GTF2A1L: variants seen among roughly 807,000 people sequenced by gnomAD.
GTF2A1L encodes the protein general transcription factor IIA subunit 1 like.
A neutral mutation model predicts 49.7 loss-of-function variants in GTF2A1L; 48 were observed. The ratio of observed to expected loss-of-function variants is 0.97; its 90% CI spans 0.77 to 1.23. The LOEUF is 1.23. Among genes scored for constraint, GTF2A1L ranks in the 50% most tolerant of loss-of-function variants. The pLI is 0.00. For missense variants in GTF2A1L, 736 were observed against 564.8 expected, an observed-to-expected ratio of 1.30 and a Z score of -3.07; for synonymous variants, 246 against 193.5, an observed-to-expected ratio of 1.27 and a Z score of -2.25.
At chr2:48,673,055 T>C (rs1679256441) in intron 8 of GTF2A1L, among the ~76,000 whole-genome samples, 1 of 152,248 alleles carries the variant, frequency 6.6e-6, no homozygotes, top group African/African-American at 2.4e-5. Flanking sequence ...TATGTGGTCT[T>C]TTGTTACTGG....
intron 4 of GTF2A1L, among the ~76,000 whole-genome samples, chr2:48,643,467 C>A (rs1041246546): frequency 6.6e-6 from 1 of 152,070 alleles, no homozygotes; most frequent in East Asian, 1.9e-4. Flanking sequence ...AAACCACACA[C>A]CTTAATAGGA....
At chr2:48,633,571 T>C (rs1676706497) in intron 3 of GTF2A1L, among the ~76,000 whole-genome samples, 1 of 152,226 alleles carries the variant, frequency 6.6e-6, no homozygotes. Flanking sequence ...TACGGTCAAT[T>C]GTGGAGTATG....
At chr2:48,667,307 G>A (rs1334246919) in intron 6 of GTF2A1L, among the ~76,000 whole-genome samples, 2 of 152,190 alleles carry the variant, frequency 1.3e-5, no homozygotes, top group African/African-American at 4.8e-5. Context: ...AAGAGAGACT[G>A]AAGTAAATAG....
rs761186600 is a variant in GTF2A1L, at chr2:48,646,828, A to G, written c.764A>G (p.Gln255Arg). Residue 255 changes from glutamine (Q) to arginine (R), a missense_variant, in exon 6 of 9, where the codon CAA (glutamine) becomes CGA (arginine). Coordinates refer to ENST00000403751, the MANE Select transcript of GTF2A1L (RefSeq NM_006872.5). Reference sequence around the variant, plus strand: ...GTTGTATTTTCTCCACAGGTCTCTCAAACAAATTCTAATGTGGAGTCAGTG... The same window carrying G: ...GTTGTATTTTCTCCACAGGTCTCTCGAACAAATTCTAATGTGGAGTCAGTG... ...PGVVFSPQVS[Q>R]TNSNVESVLS... is the part of the protein sequence containing the mutation. 5 of 1,614,204 alleles carry G rather than the reference A, an allele frequency of 3.1e-6. No individual in the cohort carries two copies. The highest frequency in any genetic ancestry group is 2.5e-6 in the Non-Finnish European group (3 of 1,180,014).
Position 48,671,671 on chromosome 2 carries a change from G to T in GTF2A1L, c.1320G>T (p.Gln440His), listed in dbSNP as rs371356858. ...LFDTDNVIVCQYDKIHRSKNK... is the reference protein window; with the variant it reads ...LFDTDNVIVCHYDKIHRSKNK... ...ACACGGATAATGTTATTGTCTGTCA[G>T]TATGATAAGGTACTGTATTTACCTT... The change falls in exon 8 of 9, where the codon CAG (glutamine) becomes CAT (histidine). Residue 440 changes from glutamine to histidine, a missense_variant. Physicochemically the swap from Gln to His is conservative, Grantham distance 24. Coordinates refer to ENST00000403751, the MANE Select transcript of GTF2A1L (RefSeq NM_006872.5). 1 of 1,612,936 alleles carries T rather than the reference G, an allele frequency of 6.2e-7. No homozygotes were observed. Among genetic ancestry groups the T allele is most frequent in the Non-Finnish European group, 8.5e-7 (1 of 1,179,480 alleles).
Position 48,648,846 on chromosome 2 carries a change from A to C in GTF2A1L, c.978+1804A>C, listed in dbSNP as rs150751450. Among the ~76,000 whole-genome samples, 818 of 152,250 alleles carry C rather than the reference A, an allele frequency of 5.4e-3. 5 individuals carry two copies. The highest frequency in any genetic ancestry group is 0.016 in the South Asian group (76 of 4,822). ...CCAAACGTACAAGAGTATATGTAAA[A>C]TGCTTATTTATTTATTGTAAGTTAC... is the stretch of plus-strand genomic sequence containing the variant. On this transcript the variant is annotated intron_variant, in intron 6 of 8. Transcript: ENST00000403751.
Position 48,669,763 on chromosome 2 carries a change from T to C in GTF2A1L, c.1020T>C (p.Asp340=). 6.2e-7 allele frequency: 1 copy of C among 1,613,872 alleles called. No homozygotes were observed. The highest frequency in any genetic ancestry group is 8.5e-7 in the Non-Finnish European group (1 of 1,179,900). The stretch of plus-strand genomic sequence containing the variant: ...TGGATTTAAGCATTCGGGTTACTGA[T>C]GATGATATTGGTGAAATAATTCAAG... The part of the protein sequence containing the change: ...SQVDLSIRVT[D]DDIGEIIQVD... The change falls in exon 7 of 9, where the codon GAT becomes GAC. Residue 340 remains aspartate, a synonymous_variant. Transcript: ENST00000403751.
chr2:48,657,760 CTTGT>C (rs1678263201), intron 6 of GTF2A1L, among the ~76,000 whole-genome samples: 1 of 43,130 alleles, frequency 2.3e-5, no homozygotes. Flanking sequence ...GCTGGAATCT[CTTGT>C]TTTTTTTTTT....
intron 3 of GTF2A1L, among the ~76,000 whole-genome samples, chr2:48,636,112 C>T (rs1469934174): frequency 6.6e-6 from 1 of 152,116 alleles, no homozygotes; most frequent in Non-Finnish European, 1.5e-5. Flanking sequence ...TTCTCATTTT[C>T]CTTCTTGAAT....
chr2:48,639,407 C>T (rs181036666), intron 3 of GTF2A1L, among the ~76,000 whole-genome samples: 78 of 152,260 alleles, frequency 5.1e-4, no homozygotes, highest in Non-Finnish European at 5.6e-4. Flanking sequence ...CACCTGTAGC[C>T]ATCTGACCTT....
intron 6 of GTF2A1L, among the ~76,000 whole-genome samples, chr2:48,665,791 G>A (rs1200083205): frequency 5.3e-5 from 8 of 151,834 alleles, no homozygotes; most frequent in African/African-American, 2.4e-5. Flanking sequence ...TTTTGGGTGG[G>A]GTATTCTCTA....
chr2:48,642,654 A>G (rs1677263767), intron 4 of GTF2A1L, among the ~76,000 whole-genome samples, 197 bp downstream of exon 4: 1 of 152,166 alleles, frequency 6.6e-6, no homozygotes, highest in South Asian at 2.1e-4. Context: ...CAGGAGTTTG[A>G]GACCAGCCTG....
Position 48,645,102 on chromosome 2 carries a change from C to CT in GTF2A1L, c.374dup (p.Gln126ThrfsTer9), listed in dbSNP as rs765978809. 1.2e-6 allele frequency: 2 copies of CT among 1,610,570 alleles called. No individual in the cohort carries two copies. The highest frequency in any genetic ancestry group is 2.2e-5 in the South Asian group (2 of 90,120). Reference sequence around the variant, plus strand: ...CATTCATGTACCAGCAGGTGTGACACTACAGACTGTATCTGGTGAGAGTAT... The same window carrying CT: ...CATTCATGTACCAGCAGGTGTGACACTTACAGACTGTATCTGGTGAGAGTAT... On this transcript the variant is annotated frameshift_variant, in exon 5 of 9. Coordinates refer to ENST00000403751, the MANE Select transcript of GTF2A1L (RefSeq NM_006872.5). LOFTEE classifies it high-confidence loss of function.
chr2:48,617,974 G>C, intron 1 of GTF2A1L, 79 bp downstream of exon 1: 1 of 1,388,950 alleles, frequency 7.2e-7, no homozygotes, highest in East Asian at 2.5e-5. Context: ...TGCACCTTTT[G>C]TTTCCCCCTG....
chr2:48,621,379 C>G (rs1675992532), intron 3 of GTF2A1L, 89 bp downstream of exon 3: 1 of 1,571,958 alleles, frequency 6.4e-7, no homozygotes, highest in Admixed American at 1.8e-5. Flanking sequence ...GGGTAATGTT[C>G]TTAGGGTGAG....
At chr2:48,672,371 T>A (rs1679219718) in intron 8 of GTF2A1L, among the ~76,000 whole-genome samples, 1 of 152,154 alleles carries the variant, frequency 6.6e-6, no homozygotes, top group Non-Finnish European at 1.5e-5. Flanking sequence ...TAGAATATCC[T>A]GAATGCTAGT....
At chr2:48,627,357 T>G (rs1348476701) in intron 3 of GTF2A1L, among the ~76,000 whole-genome samples, 1 of 144,152 alleles carries the variant, frequency 6.9e-6, no homozygotes, top group Non-Finnish European at 1.6e-5. Context: ...TACCTTGCAC[T>G]TTGAATGGCT....
At chr2:48,675,093 A>G (rs980122756) in intron 8 of GTF2A1L, among the ~76,000 whole-genome samples, 2 of 152,162 alleles carry the variant, frequency 1.3e-5, no homozygotes, top group Non-Finnish European at 2.9e-5. Flanking sequence ...TTTGTTTCAA[A>G]TAGTATTGAA....
At position 48,647,060 on chromosome 2, in the gene GTF2A1L, A is replaced by C. The variant is rs781592988; in HGVS notation, c.978+18A>C. The C allele has an allele frequency of 1.9e-6, 3 of 1,556,360 alleles. No individual in the cohort carries two copies. Among genetic ancestry groups the C allele is most frequent in the Non-Finnish European group, 1.7e-6 (2 of 1,152,064 alleles). On this transcript the variant is annotated intron_variant, in intron 6 of 8. Coordinates refer to ENST00000403751, the MANE Select transcript of GTF2A1L (RefSeq NM_006872.5). ...CAGAGAAGGTATAGTTCTGTGTCCA[A>C]CTTCTTGGTATCAGGGGACAGATAG...
Sources: allele counts gnomAD v4.1 joint callset (sites outside exome capture counted in the v4.1 genomes callset), GRCh38; gene constraint gnomAD v4.1.1; transcripts MANE v1.5; gene names NCBI Gene and HGNC (gene_info 2026-07-23, HGNC 2026-07-21).